Variants in SLC4A4 observed in about 807,000 individuals in gnomAD.
SLC4A4 encodes electrogenic sodium bicarbonate cotransporter 1.
In SLC4A4, 27 loss-of-function variants were observed where a neutral mutation model predicts 111.5. The ratio of observed to expected loss-of-function variants is 0.24; its 90% CI spans 0.18 to 0.33. The LOEUF (loss-of-function observed/expected upper bound fraction) is 0.33, where lower values mean the gene tolerates loss of function less well. Ranked by LOEUF, SLC4A4 falls within the 10% of genes least tolerant of loss-of-function variation. SLC4A4 has a pLI of 1.00. For missense variants in SLC4A4, 909 were observed against 1,315.5 expected (o/e 0.69, Z 4.78); for synonymous variants, 443 against 463.4 (o/e 0.96, Z 0.57).
At chr4:71,443,083 A>ACTCACTCT (rs1491221930) in intron 8 of SLC4A4, among the ~76,000 whole-genome samples, 2 of 31,448 alleles carry the variant, frequency 6.4e-5, no homozygotes, top group African/African-American at 3.9e-4. Flanking sequence ...AGAGGCCACT[A>ACTCACTCT]CTCTCTCTCT....
chr4:71,107,776 T>C (rs1456288349), intron 2 of SLC4A4, among the ~76,000 whole-genome samples: 4 of 151,846 alleles, frequency 2.6e-5, no homozygotes, highest in Admixed American at 2.6e-4. Flanking sequence ...GGTATGATCA[T>C]AGCTCATTGC....
At chr4:71,434,994 C>T (rs1038304064) in intron 7 of SLC4A4, among the ~76,000 whole-genome samples, 3 of 152,164 alleles carry the variant, frequency 2.0e-5, no homozygotes, top group Non-Finnish European at 4.4e-5. Flanking sequence ...GGCCATACTG[C>T]CCAAAGTAAT....
rs555746200 is a variant in SLC4A4, at chr4:71,468,070, T to C, written c.1631+1493T>C. Among the ~76,000 whole-genome samples, 13 of 152,182 alleles carry C rather than the reference T, an allele frequency of 8.5e-5. No individual in the cohort carries two copies. In the South Asian group the frequency reaches 2.3e-3, roughly 27 times the overall value. ...AGCTTTTTGAAAACAGGGTTGAGGA[T>C]ATCAGCAGGAGTCTTTTGAGAATGT... On this transcript the variant is annotated intron_variant, in intron 13 of 25. Coordinates refer to ENST00000264485, the MANE Select transcript of SLC4A4 (RefSeq NM_001098484.3).
chr4:71,085,789 C>T (rs1362005111), intron 1 of SLC4A4, among the ~76,000 whole-genome samples: 3 of 152,020 alleles, frequency 2.0e-5, no homozygotes, highest in Admixed American at 6.6e-5. Context: ...CAATACCATG[C>T]TGTTTTGGTT....
intron 3 of SLC4A4, among the ~76,000 whole-genome samples, chr4:71,288,931 T>G (rs1724124842): frequency 3.3e-5 from 5 of 152,224 alleles, no homozygotes; most frequent in African/African-American, 1.2e-4. Context: ...ATGCATAACC[T>G]TTGTATCTTT....
At chr4:71,180,521 C>A (rs1355448342) in intron 2 of SLC4A4, among the ~76,000 whole-genome samples, 5 of 152,188 alleles carry the variant, frequency 3.3e-5, no homozygotes, top group South Asian at 2.1e-4. Context: ...AACAAACAAC[C>A]CCATCAAAAA....
At chr4:71,418,803 T>C (rs1329620886) in intron 7 of SLC4A4, among the ~76,000 whole-genome samples, 2 of 152,212 alleles carry the variant, frequency 1.3e-5, no homozygotes, top group Non-Finnish European at 2.9e-5. Context: ...TTTTCCTATG[T>C]AGTCTTAGAA....
intron 6 of SLC4A4, among the ~76,000 whole-genome samples, chr4:71,377,709 C>G (rs1024560851): frequency 1.3e-5 from 2 of 152,174 alleles, no homozygotes; most frequent in Non-Finnish European, 2.9e-5. Context: ...ATCTGTGTTT[C>G]CACAGTCACC....
In SLC4A4 at chr4:71,425,809, G is replaced by T. The variant is rs186303722; in HGVS notation, c.808-14807G>T. 4.6e-5 allele frequency among the ~76,000 whole-genome samples: 7 copies of T among 152,132 alleles called. 1 individual carries two copies. The highest frequency in any genetic ancestry group is 3.9e-4 in the Admixed American group (6 of 15,238). On this transcript the variant is annotated intron_variant, in intron 7 of 25. Transcript: ENST00000264485. Reference sequence around the variant, plus strand: ...TAGAATCCATAGAAGGGAGTATCTGGGTTGAGATAAAGGGTTGTGGAGAAC... The same window carrying T: ...TAGAATCCATAGAAGGGAGTATCTGTGTTGAGATAAAGGGTTGTGGAGAAC...
chr4:71,424,069 G>C lies in SLC4A4; in HGVS notation c.808-16547G>C, dbSNP rs555610596. On this transcript the variant is annotated intron_variant, in intron 7 of 25. Coordinates refer to ENST00000264485, the MANE Select transcript of SLC4A4 (RefSeq NM_001098484.3). ...GTGAACAGGCAACCCACAAAATGGGGGAAAATTTTCGCAACCTACTCTTCT... is the reference window on the plus strand; with the variant it reads ...GTGAACAGGCAACCCACAAAATGGGCGAAAATTTTCGCAACCTACTCTTCT... Among the ~76,000 whole-genome samples the C allele has an allele frequency of 5.3e-5, 8 of 152,014 alleles. No homozygotes were observed. In the South Asian group the frequency reaches 1.5e-3, roughly 28 times the overall value.
At chr4:71,420,814 C>A (rs1190740294) in intron 7 of SLC4A4, among the ~76,000 whole-genome samples, 1 of 146,790 alleles carries the variant, frequency 6.8e-6, no homozygotes, top group Non-Finnish European at 1.5e-5. Flanking sequence ...CAGGCCTGCC[C>A]TAAAAGAGCT....
chr4:71,135,365 G>A (rs1743817585), intron 2 of SLC4A4, among the ~76,000 whole-genome samples: 1 of 139,264 alleles, frequency 7.2e-6, no homozygotes, highest in Non-Finnish European at 1.5e-5. Context: ...GCACCACCTT[G>A]GCTCACTGCA....
At chr4:71,482,475 C>A (rs149875487) in intron 14 of SLC4A4, among the ~76,000 whole-genome samples, 1 of 151,712 alleles carries the variant, frequency 6.6e-6, no homozygotes, top group African/African-American at 2.4e-5. Context: ...GTTCAGATTG[C>A]AATCCTATTT....
At chr4:71,348,915 G>A (rs1729570819) in intron 4 of SLC4A4, among the ~76,000 whole-genome samples, 1 of 152,170 alleles carries the variant, frequency 6.6e-6, no homozygotes. Flanking sequence ...GGTGAAGAAT[G>A]TAGAAAAACA....
At chr4:71,415,350 T>C (rs1319707410) in intron 7 of SLC4A4, among the ~76,000 whole-genome samples, 3 of 152,192 alleles carry the variant, frequency 2.0e-5, no homozygotes, top group Non-Finnish European at 4.4e-5. Flanking sequence ...CTCTTCCCCT[T>C]TTTTCTAGGA....
At chr4:71,369,832 G>C (rs911614734) in intron 6 of SLC4A4, among the ~76,000 whole-genome samples, 2 of 152,122 alleles carry the variant, frequency 1.3e-5, no homozygotes, top group Non-Finnish European at 2.9e-5. Flanking sequence ...TGAATAAGGT[G>C]ATTCCCTGTC....
At chr4:71,474,112 C>T (rs1448449343) in intron 14 of SLC4A4, among the ~76,000 whole-genome samples, 3 of 67,130 alleles carry the variant, frequency 4.5e-5, no homozygotes, top group South Asian at 5.9e-4. Flanking sequence ...GTAGCAAGAC[C>T]CTGTCAAAAA....
chr4:71,502,801 C>G (rs1731062813), intron 16 of SLC4A4, among the ~76,000 whole-genome samples: 1 of 152,110 alleles, frequency 6.6e-6, no homozygotes, highest in African/African-American at 2.4e-5. Flanking sequence ...AATGTGTATT[C>G]TGTAGCAGTT....
intron 16 of SLC4A4, among the ~76,000 whole-genome samples, chr4:71,513,908 A>G (rs900026414): frequency 3.3e-5 from 5 of 152,040 alleles, no homozygotes; most frequent in South Asian, 2.1e-4. Context: ...TTTGTTCTTT[A>G]TACTGTTGAT....
Sources: gnomAD v4.1 joint callset for allele counts (sites outside exome capture counted in the v4.1 genomes callset) on GRCh38, gnomAD v4.1.1 for gene constraint, MANE v1.5 for transcripts, NCBI Gene and HGNC (gene_info 2026-07-23, HGNC 2026-07-21) for gene names.